HDAC9: variants seen among roughly 807,000 people sequenced by gnomAD.
HDAC9 encodes the protein MEF-2 interacting transcription repressor (MITR) protein.
HDAC9 carries 41 observed loss-of-function variants against 139.4 expected under a neutral mutation model. That is an observed-to-expected ratio of 0.29 (90% CI 0.23 to 0.38). The LOEUF is 0.38. Among genes scored for constraint, HDAC9 ranks in the 10% least tolerant of loss-of-function variants. The probability of loss-of-function intolerance (pLI) is 1.00; values close to 1 mark genes in which losing one functional copy is unlikely to be tolerated. For synonymous variants in HDAC9, 517 were observed against 476.2 expected, an observed-to-expected ratio of 1.09 and a Z score of -1.12; for missense variants, 1,147 against 1,297.0, an observed-to-expected ratio of 0.88 and a Z score of 1.78.
At chr7:18,344,682 TA>T (rs1782267878) in intron 1 of HDAC9, among the ~76,000 whole-genome samples, 1 of 151,982 alleles carries the variant, frequency 6.6e-6, no homozygotes, top group African/African-American at 2.4e-5. Context: ...AAATAGGAGT[TA>T]AAAATTTGCA....
intron 22 of HDAC9, among the ~76,000 whole-genome samples, chr7:18,892,404 AAAGAT>A (rs1419244814): frequency 6.6e-6 from 1 of 152,236 alleles, no homozygotes; most frequent in African/African-American, 2.4e-5. Context: ...AAAGCATAAA[AAAGAT>A]AAGAAAGGGT....
intron 1 of HDAC9, among the ~76,000 whole-genome samples, chr7:18,416,032 G>T (rs753617769): frequency 6.6e-6 from 1 of 152,032 alleles, no homozygotes. Flanking sequence ...AGTGACTCAC[G>T]CCTGTAATCC....
chr7:18,596,741 C>T (rs1832619955), intron 6 of HDAC9, among the ~76,000 whole-genome samples: 1 of 152,042 alleles, frequency 6.6e-6, no homozygotes, highest in Admixed American at 6.6e-5. Context: ...CTCTTGTCTG[C>T]TTGGATTTCA....
intron 21 of HDAC9, among the ~76,000 whole-genome samples, chr7:18,841,730 G>A (rs960440881): frequency 3.3e-5 from 5 of 151,962 alleles, no homozygotes; most frequent in Non-Finnish European, 7.4e-5. Context: ...ACTTTGGCTT[G>A]GACATCTAAA....
intron 2 of HDAC9, among the ~76,000 whole-genome samples, chr7:18,497,925 A>C (rs1797357206): frequency 6.6e-6 from 1 of 152,058 alleles, no homozygotes; most frequent in Non-Finnish European, 1.5e-5. Context: ...CACATCTTTG[A>C]TAATCACATA....
intron 12 of HDAC9, among the ~76,000 whole-genome samples, chr7:18,698,643 TC>T (rs1783231746): frequency 6.6e-6 from 1 of 152,196 alleles, no homozygotes; most frequent in African/African-American, 2.4e-5. Flanking sequence ...CCTTGAAACT[TC>T]CAGTTCCTGG....
intron 5 of HDAC9, 127 bp from the exon 6 acceptor site, chr7:18,593,781 G>A: frequency 1.1e-6 from 1 of 942,040 alleles, no homozygotes; most frequent in Non-Finnish European, 1.7e-6. Flanking sequence ...GCTATGGTTT[G>A]TATACACTAA....
chr7:18,515,435 C>T (rs1205795393), intron 2 of HDAC9, among the ~76,000 whole-genome samples: 4 of 152,160 alleles, frequency 2.6e-5, no homozygotes, highest in Admixed American at 2.6e-4. Flanking sequence ...AGATTTCTAA[C>T]TCCTACAGCG....
At chr7:18,581,818 G>A (rs377558193) in intron 2 of HDAC9, among the ~76,000 whole-genome samples, 1 of 152,078 alleles carries the variant, frequency 6.6e-6, no homozygotes, top group Non-Finnish European at 1.5e-5. Context: ...GATCTTACAG[G>A]CCATCATTCT....
intron 2 of HDAC9, among the ~76,000 whole-genome samples, chr7:18,247,163 G>A (rs1794608435): frequency 6.6e-6 from 1 of 151,936 alleles, no homozygotes; most frequent in African/African-American, 2.4e-5. Context: ...TGTCTGTCTG[G>A]AGTTCTAGAA....
chr7:18,719,895 A>C (rs2129123110), intron 12 of HDAC9, among the ~76,000 whole-genome samples: 2 of 152,292 alleles, frequency 1.3e-5, no homozygotes, highest in African/African-American at 4.8e-5. Flanking sequence ...AAGAATTTTT[A>C]AAATATTTTG....
chr7:18,469,596 G>A (rs1164000586), intron 1 of HDAC9, among the ~76,000 whole-genome samples: 1 of 152,094 alleles, frequency 6.6e-6, no homozygotes, highest in Non-Finnish European at 1.5e-5. Context: ...TCATGAATGG[G>A]AGCAATTCAC....
chr7:18,183,217 G>C (rs540481601), intron 2 of HDAC9, among the ~76,000 whole-genome samples: 1 of 152,072 alleles, frequency 6.6e-6, no homozygotes, highest in South Asian at 2.1e-4. Context: ...CACCGTGTTA[G>C]CCAGGATGGT....
chr7:18,575,171 A>G (rs1825628149), intron 2 of HDAC9, among the ~76,000 whole-genome samples: 1 of 152,206 alleles, frequency 6.6e-6, no homozygotes, highest in Admixed American at 6.5e-5. Flanking sequence ...GCCTTTCAAG[A>G]CTACACATTT....
intron 1 of HDAC9, among the ~76,000 whole-genome samples, chr7:18,312,872 A>T (rs1799405928): frequency 6.6e-6 from 1 of 152,152 alleles, no homozygotes; most frequent in Admixed American, 6.6e-5. Flanking sequence ...ATTTGCTAAC[A>T]GTTTAATGGG....
At chr7:18,244,994 C>CCTGTATCTATCTATCTATCT (rs71553924) in intron 2 of HDAC9, among the ~76,000 whole-genome samples, 1 of 147,960 alleles carries the variant, frequency 6.8e-6, no homozygotes, top group Non-Finnish European at 1.5e-5. Flanking sequence ...ATCTAATCTG[C>CCTGTATCTATCTATCTATCT]ATCTATCTAT....
At chr7:18,738,926 T>C (rs1787182369) in intron 13 of HDAC9, among the ~76,000 whole-genome samples, 1 of 152,220 alleles carries the variant, frequency 6.6e-6, no homozygotes, top group Admixed American at 6.5e-5. Flanking sequence ...TCTTTTCACA[T>C]AGTCCCATAT....
intron 12 of HDAC9, among the ~76,000 whole-genome samples, chr7:18,696,427 A>G (rs990980708): frequency 6.7e-6 from 1 of 148,402 alleles, no homozygotes; most frequent in African/African-American, 2.5e-5. Flanking sequence ...GTTATACATT[A>G]TGTAGCTATA....
Position 18,954,095 on chromosome 7 carries a change from T to A in HDAC9, c.2938-51T>A, listed in dbSNP as rs1431499883. The A allele has an allele frequency of 1.6e-5, 20 of 1,247,324 alleles. No homozygotes were observed. The East Asian group carries it at 4.8e-4, about 30-fold the overall frequency. The allele number at this position is 1,247,324 out of a possible 1,614,324, so 77.3% of individuals were successfully genotyped here. A position where few individuals can be genotyped will look rare whatever the true frequency, so the allele number is the denominator to read the frequency against. On this transcript the variant is annotated intron_variant, in intron 23 of 25. Transcript: ENST00000686413. ...CAGTTTGCTTTGCTTCTGTGAGACT[T>A]ACTATAAAGTCATAATATTCTGCTC...
Sources: allele counts gnomAD v4.1 joint callset (sites outside exome capture counted in the v4.1 genomes callset), GRCh38; gene constraint gnomAD v4.1.1; transcripts MANE v1.5; gene names NCBI Gene and HGNC (gene_info 2026-07-23, HGNC 2026-07-21).